NTN4: variants seen among roughly 807,000 people sequenced by gnomAD.
NTN4 encodes netrin 4.
A neutral mutation model predicts 73.6 loss-of-function variants in NTN4; 32 were observed. The ratio of observed to expected loss-of-function variants is 0.44; its 90% CI spans 0.33 to 0.58. The LOEUF is 0.58. NTN4 is among the 20% of genes least tolerant of loss of function. NTN4 has a pLI of 0.04. For missense variants in NTN4, 654 were observed against 798.3 expected (o/e 0.82, Z 2.18); for synonymous variants, 258 against 287.5 (o/e 0.90, Z 1.04).
rs2078490404 is a variant in NTN4 at position 95,702,252 on chromosome 12, C to G, written c.1180+8189G>C. On this transcript the variant is annotated intron_variant, in intron 5 of 9. Coordinates refer to ENST00000343702, the MANE Select transcript of NTN4 (RefSeq NM_021229.4). ...CCAAGATTGCGCCATTGCACTCCAG[C>G]CTGGGCAACAGGGAGAGACTCCGTC... Among the ~76,000 whole-genome samples, 3 of 149,674 alleles carry G rather than the reference C, an allele frequency of 2.0e-5. No individual in the cohort carries two copies. In the Admixed American group the frequency reaches 2.0e-4, roughly 10 times the overall value.
chr12:95,771,027 T>C (rs938139226), intron 2 of NTN4, among the ~76,000 whole-genome samples: 4 of 133,700 alleles, frequency 3.0e-5, no homozygotes, highest in Non-Finnish European at 5.0e-5. Flanking sequence ...TCTCGCTCTG[T>C]CGCCCAGGCT....
intron 2 of NTN4, among the ~76,000 whole-genome samples, chr12:95,760,141 G>A (rs1356235301): frequency 1.3e-5 from 2 of 152,162 alleles, no homozygotes; most frequent in African/African-American, 2.4e-5. Flanking sequence ...GAAGATTGCT[G>A]TAAATTTTTA....
At chr12:95,685,313 C>G (rs1427577237) in intron 5 of NTN4, among the ~76,000 whole-genome samples, 1 of 152,230 alleles carries the variant, frequency 6.6e-6, no homozygotes, top group African/African-American at 2.4e-5. Context: ...TCTGGATAAT[C>G]TTTTCTCCAT....
chr12:95,764,848 TC>T (rs2079010373), intron 2 of NTN4, among the ~76,000 whole-genome samples: 1 of 152,114 alleles, frequency 6.6e-6, no homozygotes, highest in Non-Finnish European at 1.5e-5. Flanking sequence ...ACGTTATAAC[TC>T]CCTAACTTGA....
chr12:95,708,288 ATTT>A (rs1211019163), intron 5 of NTN4, among the ~76,000 whole-genome samples: 6 of 140,764 alleles, frequency 4.3e-5, no homozygotes, highest in African/African-American at 1.3e-4. Context: ...TTATTTATTT[ATTT>A]ATTTATTTAT....
At chr12:95,768,230 A>G (rs2079033334) in intron 2 of NTN4, among the ~76,000 whole-genome samples, 1 of 152,140 alleles carries the variant, frequency 6.6e-6, no homozygotes, top group Non-Finnish European at 1.5e-5. Context: ...ACAGAGGTGA[A>G]CATAGGATAC....
rs560956725 is a variant in NTN4, at chr12:95,755,923, T to C, written c.586-17779A>G. On this transcript the variant is annotated intron_variant, in intron 2 of 9. Coordinates refer to ENST00000343702, the MANE Select transcript of NTN4 (RefSeq NM_021229.4). ...TAAATTTTAAAAATTCTTCAATACA[T>C]GTGGAATCCTAGCCTTTTTTTCTTT... Among the ~76,000 whole-genome samples, 9 of 152,318 alleles carry C rather than the reference T, an allele frequency of 5.9e-5. No homozygotes were observed. In the South Asian group the frequency reaches 1.9e-3, roughly 32 times the overall value.
In NTN4 at chr12:95,789,918, G is replaced by A; in HGVS notation, c.55+337C>T. 3.9e-6 allele frequency: 1 copy of A among 259,514 alleles called. No individual in the cohort carries two copies. The highest frequency in any genetic ancestry group is 7.3e-6 in the Non-Finnish European group (1 of 136,670). 16.1% of individuals were successfully genotyped at this position (259,514 alleles called of 1,614,324 possible). A position where few individuals can be genotyped will look rare whatever the true frequency, so the allele number is the denominator to read the frequency against. ...TCATTCCTTAGGCCATGAAGTGCCG[G>A]GGGATGGCGAGCTGGGTCCTTTGTT... On this transcript the variant is annotated intron_variant, in intron 1 of 9. Coordinates refer to ENST00000343702, the MANE Select transcript of NTN4 (RefSeq NM_021229.4). This position sits in a 1 kb window ranked among gnomAD's most constrained non-coding sequence, Gnocchi z 4.0.
At chr12:95,750,967 T>G (rs544752731) in intron 2 of NTN4, among the ~76,000 whole-genome samples, 1 of 152,200 alleles carries the variant, frequency 6.6e-6, no homozygotes, top group Non-Finnish European at 1.5e-5. Flanking sequence ...TAATGCTCCT[T>G]TTTCTTTATC....
At chr12:95,703,103 G>A (rs138298702) in intron 5 of NTN4, among the ~76,000 whole-genome samples, 7,851 of 151,820 alleles carry the variant, frequency 0.052, 678 homozygotes, top group African/African-American at 0.18. Context: ...GTGATCCACC[G>A]GCCTTGGCCT....
rs2079134212 is a variant in NTN4 at position 95,781,726 on chromosome 12, ATAAT to A, written c.585+5209_585+5212del. Among the ~76,000 whole-genome samples the A allele has an allele frequency of 6.6e-6, 1 of 152,180 alleles. No homozygotes were observed. The highest frequency in any genetic ancestry group is 2.4e-5 in the African/African-American group (1 of 41,440). On this transcript the variant is annotated intron_variant, in intron 2 of 9. Coordinates refer to ENST00000343702, the MANE Select transcript of NTN4 (RefSeq NM_021229.4). This position sits in a 1 kb window ranked among gnomAD's most constrained non-coding sequence, Gnocchi z 4.1. ...TTTCTGCTTTAATTGAATAAAAGTA[ATAAT>A]TAATTTAAAAAAATAGAAAAATAAA...
intron 2 of NTN4, among the ~76,000 whole-genome samples, chr12:95,742,795 C>G (rs990909947): frequency 2.0e-5 from 3 of 152,170 alleles, no homozygotes; most frequent in Non-Finnish European, 4.4e-5. Context: ...CCCAGCATGT[C>G]CCACAGTCTC....
intron 4 of NTN4, 28 bp downstream of exon 4, chr12:95,713,184 T>C: frequency 6.2e-7 from 1 of 1,602,002 alleles, no homozygotes; most frequent in Non-Finnish European, 8.5e-7. Context: ...CAAAGAAAGC[T>C]TTTGAGTATC....
intron 2 of NTN4, among the ~76,000 whole-genome samples, chr12:95,784,410 T>C (rs2079152686): frequency 6.6e-6 from 1 of 152,190 alleles, no homozygotes; most frequent in African/African-American, 2.4e-5. Context: ...TCTTTACACT[T>C]TACACTTGCA....
At chr12:95,659,582 G>A (rs974209259) in intron 9 of NTN4, among the ~76,000 whole-genome samples, 4 of 152,066 alleles carry the variant, frequency 2.6e-5, no homozygotes, top group African/African-American at 9.7e-5. Context: ...ACAGGTGTGA[G>A]CCACCACGCC....
intron 2 of NTN4, among the ~76,000 whole-genome samples, chr12:95,769,034 A>G (rs11108250): frequency 0.34 from 51,797 of 151,924 alleles, 9,377 homozygotes; most frequent in East Asian, 0.6. Flanking sequence ...GGGGGTTTGC[A>G]GAGATGTCAG....
chr12:95,682,777 G>A lies in NTN4; in HGVS notation c.1440C>T (p.Pro480=), dbSNP rs143018910. 9.4e-5 allele frequency: 151 copies of A among 1,613,740 alleles called. No homozygotes were observed. In the African/African-American group the frequency reaches 1.4e-3, roughly 15 times the overall value. ...DWYHEVPDFR[P]VHNKSEPAWE... ...AGGCTGGTTCGCTCTTATTGTGCACGGGACGGAAGTCAGGAACTTCATGAT... is the reference window on the plus strand; with the variant it reads ...AGGCTGGTTCGCTCTTATTGTGCACAGGACGGAAGTCAGGAACTTCATGAT... Residue 480 remains proline, a synonymous_variant, in exon 7 of 10, where the codon CCC becomes CCT. Transcript: ENST00000343702.
At chr12:95,723,766 C>T (rs2078668737) in intron 3 of NTN4, among the ~76,000 whole-genome samples, 1 of 152,192 alleles carries the variant, frequency 6.6e-6, no homozygotes, top group South Asian at 2.1e-4. Flanking sequence ...CACACCTCAG[C>T]CTCTCAAAGT....
intron 3 of NTN4, among the ~76,000 whole-genome samples, chr12:95,732,883 A>C (rs2078749007): frequency 1.3e-5 from 2 of 152,254 alleles, no homozygotes; most frequent in Admixed American, 6.5e-5. Flanking sequence ...AAACACTTTC[A>C]TAATGAGACT....
Sources: gnomAD v4.1 joint callset for allele counts (sites outside exome capture counted in the v4.1 genomes callset) on GRCh38, gnomAD v4.1.1 for gene constraint, Gnocchi (gnomAD v3.1) non-coding constraint, MANE v1.5 for transcripts, NCBI Gene and HGNC (gene_info 2026-07-23, HGNC 2026-07-21) for gene names.